ATP5F1A: variants seen among roughly 807,000 people sequenced by gnomAD.
The protein encoded by ATP5F1A is ATP synthase F1 subunit alpha.
Under a neutral mutation model 57.4 loss-of-function variants are expected in ATP5F1A, and 24 were observed. The observed-to-expected ratio is 0.42, with a 90% CI of 0.30 to 0.59. The LOEUF (loss-of-function observed/expected upper bound fraction) is 0.59. ATP5F1A is among the 20% of genes least tolerant of loss of function. ATP5F1A has a pLI of 0.19. For synonymous variants in ATP5F1A, 251 were observed against 255.5 expected (o/e 0.98, Z 0.17); for missense variants, 494 against 707.9 (o/e 0.70, Z 3.43).
rs1909814227 is a variant in ATP5F1A at position 46,082,451 on chromosome 18, C to CA, written c.*1830dup. 1 of 147,102 alleles carries CA rather than the reference C, an allele frequency of 6.8e-6. No homozygotes were observed. Among genetic ancestry groups the CA allele is most frequent in the African/African-American group, 2.5e-5 (1 of 39,544 alleles). 9.1% of individuals were successfully genotyped at this position (147,102 alleles called of 1,614,324 possible). ...CTGTAATCCCAGCACTGTGGGAGGCCAAGGCAGGCAGATCACAAGGTCAGG... is the reference window on the plus strand; with the variant it reads ...CTGTAATCCCAGCACTGTGGGAGGCCAAAGGCAGGCAGATCACAAGGTCAGG... On this transcript the variant is annotated 3_prime_UTR_variant, in exon 12 of 12. Coordinates refer to ENST00000398752, the MANE Select transcript of ATP5F1A (RefSeq NM_004046.6).
At chr18:46,100,950 G>A (rs1012460359), upstream of ATP5F1A, among the ~76,000 whole-genome samples, 24 of 152,134 alleles carry the variant, frequency 1.6e-4, no homozygotes, top group African/African-American at 5.1e-4. Context: ...GCGGGTGCCT[G>A]TAATCCCAGC....
At chr18:46,096,994 A>C (rs1488748392) in intron 1 of ATP5F1A, among the ~76,000 whole-genome samples, 9 of 151,686 alleles carry the variant, frequency 5.9e-5, no homozygotes, top group South Asian at 4.1e-4. Context: ...AAAAAAAAAA[A>C]AAAAAAAAAA....
intron 1 of ATP5F1A, chr18:46,097,824 G>A (rs187365158): frequency 2.1e-5 from 23 of 1,104,696 alleles, no homozygotes; most frequent in Non-Finnish European, 2.4e-5. Flanking sequence ...AATCGAAAGA[G>A]AGGAACCTCA....
Position 46,097,395 on chromosome 18 carries a change from C to T in ATP5F1A, c.60+777G>A, listed in dbSNP as rs142897574. The stretch of plus-strand genomic sequence containing the variant: ...AAACAAATAACGAAGGGTATTAATC[C>T]TTACAGCCATTTTCCAACCTTGTTC... On this transcript the variant is annotated intron_variant, in intron 1 of 11. Transcript: ENST00000398752. Among the ~76,000 whole-genome samples the T allele has an allele frequency of 1.4e-3, 218 of 152,196 alleles. 1 individual carries two copies. Among genetic ancestry groups the T allele is most frequent in the Non-Finnish European group, 2.1e-3 (143 of 68,012 alleles).
At chr18:46,095,564 G>A (rs755807519) in intron 1 of ATP5F1A, among the ~76,000 whole-genome samples, 6 of 151,726 alleles carry the variant, frequency 4.0e-5, no homozygotes, top group South Asian at 2.1e-4. Context: ...TGATCCACCC[G>A]CCTTGGCCTC....
In ATP5F1A at chr18:46,096,722, T is replaced by G. The variant is rs1455388408; in HGVS notation, c.60+1450A>C. Reference sequence around the variant, plus strand: ...AGCGGCCGGGCACGACGGCTCATGCTTGTAATCCCAGCACTTCAGAAGGCC... The same window carrying G: ...AGCGGCCGGGCACGACGGCTCATGCGTGTAATCCCAGCACTTCAGAAGGCC... On this transcript the variant is annotated intron_variant, in intron 1 of 11. Transcript: ENST00000398752. Among the ~76,000 whole-genome samples the G allele has an allele frequency of 2.0e-5, 3 of 150,426 alleles. No homozygotes were observed. The East Asian group carries it at 6.3e-4, about 32-fold the overall frequency.
chr18:46,099,603 G>A (rs1911204541), upstream of ATP5F1A, among the ~76,000 whole-genome samples: 1 of 152,054 alleles, frequency 6.6e-6, no homozygotes, highest in Non-Finnish European at 1.5e-5. Flanking sequence ...CACCATGCCT[G>A]GCTAATTTTT....
In ATP5F1A at chr18:46,088,168, A is replaced by G; in HGVS notation, c.740T>C (p.Val247Ala). 6.2e-7 allele frequency: 1 copy of G among 1,605,816 alleles called. No homozygotes were observed. The highest frequency in any genetic ancestry group is 8.5e-7 in the Non-Finnish European group (1 of 1,178,426). Residue 247 changes from valine to alanine, a missense_variant, in exon 6 of 12, where the codon GTT becomes GCT. Physicochemically the swap from Val to Ala is moderately conservative, Grantham distance 64 (BLOSUM62 0). Coordinates refer to ENST00000398752, the MANE Select transcript of ATP5F1A (RefSeq NM_004046.6). ...DEKKKLYCIYVAIGQKRSTVA... is the reference protein window; with the variant it reads ...DEKKKLYCIYAAIGQKRSTVA... The stretch of plus-strand genomic sequence containing the variant: ...AGTGGATCTCTTTTGACCAATAGCA[A>G]CATAAATACAGTACAGCTTCTTCTT...
upstream of ATP5F1A, among the ~76,000 whole-genome samples, chr18:46,098,748 G>A (rs1911168276): frequency 6.6e-6 from 1 of 152,160 alleles, no homozygotes; most frequent in South Asian, 2.1e-4. Context: ...AGCCTCCCAC[G>A]GAGCCCGTTA....
Position 46,084,662 on chromosome 18 carries a change from G to T in ATP5F1A, c.1430-8C>A. The T allele has an allele frequency of 6.5e-7, 1 of 1,549,128 alleles. No individual in the cohort carries two copies. The highest frequency in any genetic ancestry group is 2.3e-5 in the East Asian group (1 of 43,252). Reference sequence around the variant, plus strand: ...CTTCAATAGCCATGGGAGCTGAAAAGATACAAGAAGAATGCCAAGTGAGTT... The same window carrying T: ...CTTCAATAGCCATGGGAGCTGAAAATATACAAGAAGAATGCCAAGTGAGTT... On this transcript the variant is annotated splice_region_variant and splice_polypyrimidine_tract_variant and intron_variant, in intron 10 of 11. Coordinates refer to ENST00000398752, the MANE Select transcript of ATP5F1A (RefSeq NM_004046.6).
chr18:46,089,478 ATTACCAT>A, intron 5 of ATP5F1A, 81 bp downstream of exon 5: 4 of 1,470,042 alleles, frequency 2.7e-6, no homozygotes, highest in Admixed American at 1.9e-5. Flanking sequence ...TAATGTCCCC[ATTACCAT>A]TTACCATTCC....
rs898261139 is a variant in ATP5F1A, at chr18:46,083,404, T to A, written c.*878A>T. Reference sequence around the variant, plus strand: ...GCAGTGAGCTGAGATCACACCACTGTACTCCAGCCTGGGTGAGAGAGATGG... The same window carrying A: ...GCAGTGAGCTGAGATCACACCACTGAACTCCAGCCTGGGTGAGAGAGATGG... On this transcript the variant is annotated 3_prime_UTR_variant, in exon 12 of 12. Coordinates refer to ENST00000398752, the MANE Select transcript of ATP5F1A (RefSeq NM_004046.6). The A allele has an allele frequency of 1.3e-5, 2 of 152,240 alleles. No individual in the cohort carries two copies. The highest frequency in any genetic ancestry group is 6.5e-5 in the Admixed American group (1 of 15,270). The allele number at this position is 152,240 out of a possible 1,614,324, so 9.4% of individuals were successfully genotyped here.
intron 1 of ATP5F1A, 117 bp downstream of exon 1, chr18:46,098,055 C>T: frequency 2.1e-6 from 3 of 1,440,108 alleles, no homozygotes; most frequent in Non-Finnish European, 9.1e-7. Context: ...GCCACGGGTG[C>T]AAGATGGCGG....
At chr18:46,090,069 G>C in intron 3 of ATP5F1A, 73 bp from the exon 4 acceptor site, 6 of 280,250 alleles carry the variant, frequency 2.1e-5, no homozygotes, top group East Asian at 1.3e-4. Context: ...TACTACATAA[G>C]AAAATAGTCG....
rs748448596 is a variant in ATP5F1A, at chr18:46,091,848, G to A, written c.143C>T (p.Thr48Ile). The A allele has an allele frequency of 2.5e-6, 4 of 1,611,126 alleles. No homozygotes were observed. Among genetic ancestry groups the A allele is most frequent in the Non-Finnish European group, 3.4e-6 (4 of 1,179,268 alleles). The change falls in exon 3 of 12, where the codon ACT becomes ATT. Residue 48 changes from threonine to isoleucine, a missense_variant. By Grantham distance (89) the Thr-to-Ile change is moderately conservative (BLOSUM62 -1). This residue lies in a region of ATP5F1A where 142 missense variants were observed against 137.5 expected (regional missense o/e 1.03). Transcript: ENST00000398752. Reference sequence around the variant, plus strand: ...TTCAAGAATAGAGGACATCTCAGCAGTCCCTATGGAAGACAATTCAATTCA... The same window carrying A: ...TTCAAGAATAGAGGACATCTCAGCAATCCCTATGGAAGACAATTCAATTCA... Reference protein sequence around the residue: ...ASNTHLQKTGTAEMSSILEER... With the variant: ...ASNTHLQKTGIAEMSSILEER...
Position 46,087,324 on chromosome 18 carries a change from AATTT to A in ATP5F1A, c.951+13_951+16del, listed in dbSNP as rs751834069. 1 of 1,612,538 alleles carries A rather than the reference AATTT, an allele frequency of 6.2e-7. No homozygotes were observed. ...TCAGTACAAATAAATGGATTCTAAA[AATTT>A]ATTTCCTTTGACCTGTTTGGATAAG... On this transcript the variant is annotated intron_variant, in intron 7 of 11. Coordinates refer to ENST00000398752, the MANE Select transcript of ATP5F1A (RefSeq NM_004046.6).
chr18:46,096,588 G>A (rs1910973991), intron 1 of ATP5F1A, among the ~76,000 whole-genome samples: 1 of 150,264 alleles, frequency 6.7e-6, no homozygotes, highest in Non-Finnish European at 1.5e-5. Context: ...GACTTTAGAT[G>A]TATTTTAATG....
At chr18:46,086,757 TTA>T in intron 8 of ATP5F1A, 1 of 599,318 alleles carries the variant, frequency 1.7e-6, no homozygotes, top group Non-Finnish European at 2.9e-6. Flanking sequence ...TGATTCAAAA[TTA>T]TCTAGAAGGG....
upstream of ATP5F1A, among the ~76,000 whole-genome samples, chr18:46,101,684 CAGG>C (rs1364473232): frequency 6.6e-6 from 1 of 151,222 alleles, no homozygotes; most frequent in African/African-American, 2.4e-5. Flanking sequence ...CACTTGAAGT[CAGG>C]AGTTCAAGAT....
Sources: gnomAD v4.1 joint callset for allele counts (sites outside exome capture counted in the v4.1 genomes callset) on GRCh38, gnomAD v4.1.1 for gene constraint, gnomAD v4.1.1 regional missense constraint, MANE v1.5 for transcripts, NCBI Gene and HGNC (gene_info 2026-07-23, HGNC 2026-07-21) for gene names.